KIF26B: variants seen among roughly 807,000 people sequenced by gnomAD.
KIF26B encodes kinesin family member 26B.
A neutral mutation model predicts 151.2 loss-of-function variants in KIF26B; 63 were observed. That is an observed-to-expected ratio of 0.42 (90% CI 0.34 to 0.51). The LOEUF (loss-of-function observed/expected upper bound fraction) is 0.51, where lower values mean the gene tolerates loss of function less well. Among genes scored for constraint, KIF26B ranks in the 20% least tolerant of loss-of-function variants. The probability of loss-of-function intolerance (pLI) is 0.07; values close to 1 mark genes in which losing one functional copy is unlikely to be tolerated. For synonymous variants in KIF26B, 1,357 were observed against 1,262.1 expected (o/e 1.08, Z -1.59); for missense variants, 2,813 against 2,913.6 (o/e 0.97, Z 0.79).
intron 2 of KIF26B, among the ~76,000 whole-genome samples, chr1:245,298,757 G>A (rs548864479): frequency 2.0e-5 from 3 of 152,346 alleles, no homozygotes; most frequent in East Asian, 3.9e-4. Flanking sequence ...ATAGCAGTGT[G>A]TGGAAAGCAG....
At chr1:245,635,424 G>A (rs2043824867) in intron 9 of KIF26B, among the ~76,000 whole-genome samples, 1 of 151,958 alleles carries the variant, frequency 6.6e-6, no homozygotes, top group Non-Finnish European at 1.5e-5. Context: ...CTGGCATAAT[G>A]TTTCTTTATT....
At position 245,554,696 on chromosome 1, in the gene KIF26B, C is replaced by T. The variant is rs576669441; in HGVS notation, c.1350+13746C>T. ...CCCTCCTTCTTTTTCACTGAGTATA[C>T]GCTAATATTCCTCCAGTATTCATAC... On this transcript the variant is annotated intron_variant, in intron 5 of 14. Coordinates refer to ENST00000407071, the MANE Select transcript of KIF26B (RefSeq NM_018012.4). Among the ~76,000 whole-genome samples the T allele has an allele frequency of 1.0e-3, 155 of 152,210 alleles. 1 individual carries two copies. Among genetic ancestry groups the T allele is most frequent in the Non-Finnish European group, 1.7e-3 (115 of 68,018 alleles).
intron 2 of KIF26B, among the ~76,000 whole-genome samples, chr1:245,275,556 G>A (rs1670922704): frequency 6.6e-6 from 1 of 152,176 alleles, no homozygotes; most frequent in Non-Finnish European, 1.5e-5. Flanking sequence ...TGGCTAGCCA[G>A]TTTTCCCAAC....
In KIF26B at chr1:245,413,211, T is replaced by C. The variant is rs116838259; in HGVS notation, c.1000-6368T>C. Among the ~76,000 whole-genome samples the C allele has an allele frequency of 2.6e-3, 400 of 152,356 alleles. 3 individuals carry two copies. The highest frequency in any genetic ancestry group is 9.3e-3 in the African/African-American group (386 of 41,588). Reference sequence around the variant, plus strand: ...CAGTGACACATACACGTAACGAAGATAATGAGGCCTTTCCACTAGCACTGT... The same window carrying C: ...CAGTGACACATACACGTAACGAAGACAATGAGGCCTTTCCACTAGCACTGT... On this transcript the variant is annotated intron_variant, in intron 3 of 14. Coordinates refer to ENST00000407071, the MANE Select transcript of KIF26B (RefSeq NM_018012.4).
At chr1:245,277,749 G>A (rs998139552) in intron 2 of KIF26B, among the ~76,000 whole-genome samples, 1 of 152,116 alleles carries the variant, frequency 6.6e-6, no homozygotes, top group Non-Finnish European at 1.5e-5. Context: ...TGCTCTTCTT[G>A]GGTGCAGCAG....
chr1:245,308,486 C>T (rs12027438), intron 2 of KIF26B, among the ~76,000 whole-genome samples: 30,624 of 152,086 alleles, frequency 0.2, 3,295 homozygotes, highest in East Asian at 0.43. Context: ...ACCTGCCTTG[C>T]TCTAAAATAA....
intron 4 of KIF26B, among the ~76,000 whole-genome samples, chr1:245,504,349 TCCC>T (rs1660685978): frequency 8.9e-6 from 1 of 112,522 alleles, no homozygotes; most frequent in Non-Finnish European, 1.8e-5. Flanking sequence ...CTTCCCTCCC[TCCC>T]TCCCTTCCTC....
intron 5 of KIF26B, among the ~76,000 whole-genome samples, chr1:245,596,965 T>C (rs1207119537): frequency 1.3e-5 from 2 of 152,204 alleles, no homozygotes; most frequent in Non-Finnish European, 2.9e-5. Context: ...CCCTTGCTTT[T>C]TTTGTTTGTT....
chr1:245,701,262 T>A (rs1481168100), intron 14 of KIF26B, among the ~76,000 whole-genome samples: 2 of 152,228 alleles, frequency 1.3e-5, no homozygotes, highest in African/African-American at 2.4e-5. Context: ...ATCAATGAGC[T>A]GCCTGCTGAC....
chr1:245,419,914 A>G (rs989944540), intron 4 of KIF26B, among the ~76,000 whole-genome samples, 169 bp downstream of exon 4: 2 of 152,144 alleles, frequency 1.3e-5, no homozygotes, highest in Non-Finnish European at 1.5e-5. Flanking sequence ...GGGCCAGCTA[A>G]CTGTGGTGGG....
chr1:245,156,917 G>A (rs1179597044), intron 2 of KIF26B, among the ~76,000 whole-genome samples: 3 of 152,196 alleles, frequency 2.0e-5, no homozygotes, highest in Non-Finnish European at 2.9e-5. Flanking sequence ...GCGAAGGGGC[G>A]CCCGTGGCCA....
At chr1:245,576,099 G>A (rs759762965) in intron 5 of KIF26B, among the ~76,000 whole-genome samples, 1 of 152,100 alleles carries the variant, frequency 6.6e-6, no homozygotes, top group East Asian at 1.9e-4. Context: ...TGGCTCTTGA[G>A]TGCCCCATTT....
At chr1:245,326,243 T>A (rs941497281) in intron 2 of KIF26B, among the ~76,000 whole-genome samples, 1 of 152,208 alleles carries the variant, frequency 6.6e-6, no homozygotes, top group Non-Finnish European at 1.5e-5. Flanking sequence ...TCTCCTGACT[T>A]CCTTTTTATT....
intron 4 of KIF26B, among the ~76,000 whole-genome samples, chr1:245,442,704 T>TCATCTCCCTTACTGTTCACCTACAGCG: frequency 7.3e-6 from 1 of 136,658 alleles, no homozygotes; most frequent in African/African-American, 2.8e-5. Context: ...CACCTAGAGC[T>TCATCTCCCTTACTGTTCACCTACAGCG]GTCATCTCCC....
At chr1:245,558,690 C>T (rs1416526408) in intron 5 of KIF26B, among the ~76,000 whole-genome samples, 2 of 152,218 alleles carry the variant, frequency 1.3e-5, no homozygotes, top group African/African-American at 2.4e-5. Context: ...TCCTGCCTGC[C>T]CTCTCTGAAT....
At chr1:245,652,093 T>C (rs1240729429) in intron 10 of KIF26B, among the ~76,000 whole-genome samples, 1 of 139,516 alleles carries the variant, frequency 7.2e-6, no homozygotes, top group Non-Finnish European at 1.6e-5. Context: ...GAGAGGTTCA[T>C]GTAAGAATCT....
chr1:245,266,302 C>CA (rs1670743818), intron 2 of KIF26B, among the ~76,000 whole-genome samples: 1 of 152,098 alleles, frequency 6.6e-6, no homozygotes, highest in Admixed American at 6.6e-5. Flanking sequence ...TAAGTGCTGA[C>CA]AAGGGATATT....
At chr1:245,283,550 C>A (rs1671103779) in intron 2 of KIF26B, among the ~76,000 whole-genome samples, 1 of 152,142 alleles carries the variant, frequency 6.6e-6, no homozygotes, top group Non-Finnish European at 1.5e-5. Context: ...TGTAGGCAGT[C>A]TGGTACCTGT....
intron 4 of KIF26B, among the ~76,000 whole-genome samples, chr1:245,443,947 C>T (rs1363108606): frequency 2.0e-4 from 26 of 130,736 alleles, no homozygotes; most frequent in South Asian, 1.1e-3. Flanking sequence ...TCACCTAGAG[C>T]GGTCATCTCC....
Sources: gnomAD v4.1 joint callset for allele counts (sites outside exome capture counted in the v4.1 genomes callset) on GRCh38, gnomAD v4.1.1 for gene constraint, MANE v1.5 for transcripts, NCBI Gene and HGNC (gene_info 2026-07-23, HGNC 2026-07-21) for gene names.